GPR107: variants seen among roughly 807,000 people sequenced by gnomAD.
GPR107 encodes the protein protein GPR107.
In GPR107, 31 loss-of-function variants were observed where a neutral mutation model predicts 75.5. That is an observed-to-expected ratio of 0.41 (90% CI 0.31 to 0.55). The LOEUF (loss-of-function observed/expected upper bound fraction) is 0.55. Ranked by LOEUF, GPR107 falls within the 20% of genes least tolerant of loss-of-function variation. The pLI is 0.26. For synonymous variants in GPR107, 267 were observed against 251.3 expected (o/e 1.06, Z -0.59); for missense variants, 572 against 665.7 (o/e 0.86, Z 1.55).
chr9:130,086,639 A>G (rs1308376545), intron 7 of GPR107, among the ~76,000 whole-genome samples, 163 bp downstream of exon 7: 3 of 152,132 alleles, frequency 2.0e-5, no homozygotes, highest in African/African-American at 7.2e-5. Context: ...CACAAGGTGG[A>G]TATTGTTACC....
rs782440815 is a variant in GPR107 at position 130,135,109 on chromosome 9, A to T, written c.1647A>T (p.Glu549Asp). ...CCGTGGAGCCCCAGGGCGAGTGGGA[A>T]GGCGCCGTGTGACAGAGCCGACCCT... Reference protein sequence around the residue: ...NGSVEPQGEWEGAV With the variant: ...NGSVEPQGEWDGAV The change falls in exon 18 of 18, where the codon GAA becomes GAT. Residue 549 changes from glutamate to aspartate, a missense_variant. Coordinates refer to ENST00000347136, the MANE Select transcript of GPR107 (RefSeq NM_020960.5). The T allele has an allele frequency of 3.8e-6, 6 of 1,574,692 alleles. No individual in the cohort carries two copies. Among genetic ancestry groups the T allele is most frequent in the African/African-American group, 1.4e-5 (1 of 73,992 alleles).
At chr9:130,101,254 C>A in intron 12 of GPR107, 31 bp downstream of exon 12, 1 of 1,169,120 alleles carries the variant, frequency 8.6e-7, no homozygotes, top group Non-Finnish European at 1.3e-6. Flanking sequence ...TTTGTCACTT[C>A]CTTTCTTGGC....
At chr9:130,055,170 A>T (rs1359366390) in intron 1 of GPR107, among the ~76,000 whole-genome samples, 3 of 152,202 alleles carry the variant, frequency 2.0e-5, no homozygotes, top group African/African-American at 7.2e-5. Context: ...ACAGTCTTCT[A>T]AGAAGTGGAA....
intron 1 of GPR107, among the ~76,000 whole-genome samples, chr9:130,068,215 G>A (rs1197627488): frequency 1.3e-5 from 2 of 152,108 alleles, no homozygotes; most frequent in Admixed American, 1.3e-4. Flanking sequence ...AAGTCGGCTG[G>A]CTCAGTGAGA....
rs1002353058 is a variant in GPR107, at chr9:130,139,648, G to A, written c.*4527G>A. On this transcript the variant is annotated 3_prime_UTR_variant, in exon 18 of 18. Coordinates refer to ENST00000347136, the MANE Select transcript of GPR107 (RefSeq NM_020960.5). ...TCTGGCAGCAGGGTGTCTGCAGGTG[G>A]GACGGCGTTCTGGGCAGAGTCAGAA... 1 of 152,330 alleles carries A rather than the reference G, an allele frequency of 6.6e-6. No individual in the cohort carries two copies. The highest frequency in any genetic ancestry group is 2.4e-5 in the African/African-American group (1 of 41,448). The allele number at this position is 152,330 out of a possible 1,614,324, so 9.4% of individuals were successfully genotyped here. A position where few individuals can be genotyped will look rare whatever the true frequency, so the allele number is the denominator to read the frequency against.
At position 130,100,221 on chromosome 9, in the gene GPR107, A is replaced by G. The variant is rs546298113; in HGVS notation, c.940-408A>G. ...CCACGACTTTTTTATGTTTCCAGATATTCCCTCATGTTCCTCTGTGATTTG... is the reference window on the plus strand; with the variant it reads ...CCACGACTTTTTTATGTTTCCAGATGTTCCCTCATGTTCCTCTGTGATTTG... On this transcript the variant is annotated intron_variant, in intron 10 of 17. Coordinates refer to ENST00000347136, the MANE Select transcript of GPR107 (RefSeq NM_020960.5). 6.6e-5 allele frequency among the ~76,000 whole-genome samples: 10 copies of G among 152,168 alleles called. No homozygotes were observed. In the South Asian group the frequency reaches 1.7e-3, roughly 25 times the overall value.
chr9:130,115,839 G>A lies in GPR107; in HGVS notation c.1306+8300G>A, dbSNP rs1192339695. Among the ~76,000 whole-genome samples the A allele has an allele frequency of 5.9e-5, 9 of 151,852 alleles. No homozygotes were observed. In the South Asian group the frequency reaches 1.7e-3, roughly 28 times the overall value. ...AACCCCAGCTACTTGGGAGGCTCAA[G>A]TGATCTGCCTGCCTCGGCCTCTCAA... On this transcript the variant is annotated intron_variant, in intron 14 of 17. Coordinates refer to ENST00000347136, the MANE Select transcript of GPR107 (RefSeq NM_020960.5).
chr9:130,126,861 T>C (rs992001157), intron 15 of GPR107, among the ~76,000 whole-genome samples: 3 of 152,188 alleles, frequency 2.0e-5, no homozygotes, highest in African/African-American at 7.2e-5. Flanking sequence ...AGAACCTCTC[T>C]TGTTGCATGC....
intron 9 of GPR107, among the ~76,000 whole-genome samples, chr9:130,094,675 GTTTTTGTTTT>G (rs1208864269): frequency 3.3e-5 from 5 of 150,688 alleles, no homozygotes; most frequent in Admixed American, 1.3e-4. Context: ...TGTTTTGTTT[GTTTTTGTTTT>G]TTTTTGTTTT....
chr9:130,133,730 A>G (rs557877515), intron 17 of GPR107, among the ~76,000 whole-genome samples: 33 of 152,314 alleles, frequency 2.2e-4, no homozygotes, highest in Non-Finnish European at 4.7e-4. Flanking sequence ...TATAGCATCT[A>G]TGGGATCTGG....
At chr9:130,077,909 T>G (rs1189704607) in intron 4 of GPR107, among the ~76,000 whole-genome samples, 1 of 152,184 alleles carries the variant, frequency 6.6e-6, no homozygotes, top group East Asian at 1.9e-4. Flanking sequence ...CTCATGCCTG[T>G]AATCCCAGCC....
intron 7 of GPR107, among the ~76,000 whole-genome samples, chr9:130,089,127 GC>G (rs1589503018): frequency 1.3e-5 from 2 of 151,774 alleles, no homozygotes; most frequent in African/African-American, 4.8e-5. Flanking sequence ...CCGAGATCAC[GC>G]CACTGCACTC....
intron 12 of GPR107, among the ~76,000 whole-genome samples, chr9:130,102,973 T>C (rs1423565127): frequency 6.6e-6 from 1 of 150,890 alleles, no homozygotes; most frequent in Admixed American, 6.6e-5. Context: ...TTTTTTTAAT[T>C]AGAGGCCGTG....
At position 130,135,619 on chromosome 9, in the gene GPR107, AACAGGTG is replaced by A. The variant is rs56807380; in HGVS notation, c.*501_*507del. The A allele has an allele frequency of 0.088, 13,463 of 153,172 alleles. 720 individuals are homozygous for A. Among genetic ancestry groups the A allele is most frequent in the African/African-American group, 0.14 (5,804 of 41,468 alleles). 9.5% of individuals were successfully genotyped at this position (153,172 alleles called of 1,614,324 possible). A position where few individuals can be genotyped will look rare whatever the true frequency, so the allele number is the denominator to read the frequency against. ...TGTTTGGGAGACAAAAATGAACGAA[AACAGGTG>A]ACTTTGGAAAGCAAAGTCAAAACCC... On this transcript the variant is annotated 3_prime_UTR_variant, in exon 18 of 18. Coordinates refer to ENST00000347136, the MANE Select transcript of GPR107 (RefSeq NM_020960.5).
Position 130,109,571 on chromosome 9 carries a change from C to T in GPR107, c.1306+2032C>T, listed in dbSNP as rs111427665. 8.1e-3 allele frequency among the ~76,000 whole-genome samples: 490 copies of T among 60,466 alleles called. 69 individuals carry two copies. The highest frequency in any genetic ancestry group is 0.012 in the East Asian group (19 of 1,628). The allele number at this position is 60,466 out of a possible 152,430, so 39.7% of individuals were successfully genotyped here. A position where few individuals can be genotyped will look rare whatever the true frequency, so the allele number is the denominator to read the frequency against. On this transcript the variant is annotated intron_variant, in intron 14 of 17. Transcript: ENST00000347136. Reference sequence around the variant, plus strand: ...TGGTGAACAGGTAGTCTTTTTCTTTCTTTTTTTTTTTTTTTGGAGACGAAG... The same window carrying T: ...TGGTGAACAGGTAGTCTTTTTCTTTTTTTTTTTTTTTTTTTGGAGACGAAG...
At position 130,089,169 on chromosome 9, in the gene GPR107, CAA is replaced by C. The variant is rs998736204; in HGVS notation, c.622-1696_622-1695del. Among the ~76,000 whole-genome samples, 10 of 139,164 alleles carry C rather than the reference CAA, an allele frequency of 7.2e-5. No individual in the cohort carries two copies. In the South Asian group the frequency reaches 2.3e-3, roughly 32 times the overall value. 91.3% of individuals were successfully genotyped at this position (139,164 alleles called of 152,430 possible). On this transcript the variant is annotated intron_variant, in intron 7 of 17. Coordinates refer to ENST00000347136, the MANE Select transcript of GPR107 (RefSeq NM_020960.5). ...CGGGCGACAGTCTGAGACTCCATCT[CAA>C]AAAAAAAAAAGTTTTTCAAATGCTT... is the stretch of plus-strand genomic sequence containing the variant.
At chr9:130,127,226 A>G (rs944827860) in intron 15 of GPR107, among the ~76,000 whole-genome samples, 3 of 152,200 alleles carry the variant, frequency 2.0e-5, no homozygotes, top group African/African-American at 4.8e-5. Context: ...CAACCTGACT[A>G]AAGTGTCTTG....
rs1564664313 is a variant in GPR107, at chr9:130,077,170, GCCACCACGC to G, written c.307-123_307-115del. On this transcript the variant is annotated intron_variant, in intron 3 of 17. Coordinates refer to ENST00000347136, the MANE Select transcript of GPR107 (RefSeq NM_020960.5). ...CAAAGTGCTGGGATTACAGGCGTGAGCCACCACGCCCACCGGTTTACTATTTTGAATGGA... is the reference window on the plus strand; with the variant it reads ...CAAAGTGCTGGGATTACAGGCGTGAGCCACCGGTTTACTATTTTGAATGGA... 4.7e-6 allele frequency: 3 copies of G among 642,866 alleles called. No homozygotes were observed. In the South Asian group the frequency reaches 5.2e-5, roughly 11 times the overall value. 39.8% of individuals were successfully genotyped at this position (642,866 alleles called of 1,614,324 possible).
intron 14 of GPR107, among the ~76,000 whole-genome samples, chr9:130,108,992 CTT>C (rs11316244): frequency 3.4e-3 from 222 of 66,066 alleles, no homozygotes; most frequent in Admixed American, 7.2e-3. Context: ...TGGGGATATT[CTT>C]TTTTTTTTTT....
Sources: gnomAD v4.1 joint callset for allele counts (sites outside exome capture counted in the v4.1 genomes callset) on GRCh38, gnomAD v4.1.1 for gene constraint, MANE v1.5 for transcripts, NCBI Gene and HGNC (gene_info 2026-07-23, HGNC 2026-07-21) for gene names.